The following RNLS variants were observed in gnomAD, a reference collection of about 807,000 sequenced individuals.
RNLS encodes the protein renalase, FAD dependent amine oxidase, also known as renalase.
A neutral mutation model predicts 39.8 loss-of-function variants in RNLS; 39 were observed. The ratio of observed to expected loss-of-function variants is 0.98; its 90% CI spans 0.76 to 1.28. The LOEUF (loss-of-function observed/expected upper bound fraction) is 1.28, where lower values mean the gene tolerates loss of function less well. Ranked by LOEUF, RNLS falls within the 50% of genes most tolerant of loss-of-function variation. The pLI is 0.00. For synonymous variants in RNLS, 147 were observed against 150.7 expected, an observed-to-expected ratio of 0.98 and a Z score of 0.18; for missense variants, 410 against 413.3, an observed-to-expected ratio of 0.99 and a Z score of 0.07.
In RNLS at chr10:88,524,739, G is replaced by A. The variant is rs143434232; in HGVS notation, c.526+48164C>T. On this transcript the variant is annotated intron_variant, in intron 4 of 6. Coordinates refer to ENST00000331772, the MANE Select transcript of RNLS (RefSeq NM_001031709.3). The stretch of plus-strand genomic sequence containing the variant: ...AGTTCTATTCAACAGTACTAGATTC[G>A]ACCACTTTCTCATTTGTCCATATAA... Among the ~76,000 whole-genome samples the A allele has an allele frequency of 4.8e-3, 728 of 151,192 alleles. 3 individuals are homozygous for A. Among genetic ancestry groups the A allele is most frequent in the Non-Finnish European group, 6.9e-3 (469 of 67,808 alleles).
At chr10:88,466,052 C>A (rs1423774057) in intron 4 of RNLS, among the ~76,000 whole-genome samples, 3 of 151,944 alleles carry the variant, frequency 2.0e-5, no homozygotes, top group Non-Finnish European at 4.4e-5. Context: ...GTGATGAGTT[C>A]TGTATCCATT....
At chr10:88,439,016 G>A (rs1841566390) in intron 4 of RNLS, among the ~76,000 whole-genome samples, 1 of 152,228 alleles carries the variant, frequency 6.6e-6, no homozygotes, top group Non-Finnish European at 1.5e-5. Flanking sequence ...ACAGGCAAAA[G>A]TGAACTTGTA....
chr10:88,549,419 T>C (rs999269866), intron 4 of RNLS, among the ~76,000 whole-genome samples: 1 of 148,864 alleles, frequency 6.7e-6, no homozygotes, highest in Non-Finnish European at 1.5e-5. Context: ...AAAAACAAGT[T>C]GTCAGGCGTG....
intron 5 of RNLS, among the ~76,000 whole-genome samples, chr10:88,324,954 A>G (rs1022278273): frequency 2.6e-5 from 4 of 152,186 alleles, no homozygotes; most frequent in African/African-American, 9.7e-5. Flanking sequence ...CAAAGTTCAT[A>G]TATTTTGTAG....
At chr10:88,492,838 G>C (rs1044903098) in intron 4 of RNLS, among the ~76,000 whole-genome samples, 4 of 152,088 alleles carry the variant, frequency 2.6e-5, no homozygotes, top group African/African-American at 9.7e-5. Context: ...AAAGGTTCCT[G>C]AAAGTAGGGA....
At chr10:88,448,616 G>T (rs1314007968) in intron 4 of RNLS, among the ~76,000 whole-genome samples, 1 of 152,190 alleles carries the variant, frequency 6.6e-6, no homozygotes, top group East Asian at 1.9e-4. Flanking sequence ...TCTAGAACTA[G>T]AAATACCATT....
At chr10:88,375,719 G>A (rs946629647) in intron 4 of RNLS, among the ~76,000 whole-genome samples, 2 of 152,110 alleles carry the variant, frequency 1.3e-5, no homozygotes, top group African/African-American at 4.8e-5. Context: ...GTGCAGTAGG[G>A]TAAGGAAAAA....
At chr10:88,347,064 T>C (rs946867491) in intron 5 of RNLS, among the ~76,000 whole-genome samples, 2 of 152,176 alleles carry the variant, frequency 1.3e-5, no homozygotes, top group African/African-American at 4.8e-5. Flanking sequence ...CAATGAAGAC[T>C]TGTCAAATTC....
intron 4 of RNLS, among the ~76,000 whole-genome samples, chr10:88,523,860 T>A (rs1038448280): frequency 6.6e-6 from 1 of 152,096 alleles, no homozygotes; most frequent in South Asian, 2.1e-4. Flanking sequence ...GCCAGGACAA[T>A]AAGGAAAATG....
chr10:88,400,201 A>C (rs564809379), intron 4 of RNLS, among the ~76,000 whole-genome samples: 1 of 152,180 alleles, frequency 6.6e-6, no homozygotes, highest in South Asian at 2.1e-4. Context: ...TCCAGAGAAT[A>C]GAATTTAATA....
chr10:88,372,662 C>A (rs575852996), intron 4 of RNLS, among the ~76,000 whole-genome samples: 2 of 152,276 alleles, frequency 1.3e-5, no homozygotes, highest in Non-Finnish European at 2.9e-5. Context: ...TGTAGGCCTA[C>A]TATGCATCCA....
intron 4 of RNLS, among the ~76,000 whole-genome samples, chr10:88,436,382 A>G (rs1191178379): frequency 1.3e-5 from 2 of 152,170 alleles, no homozygotes; most frequent in African/African-American, 2.4e-5. Context: ...TCAATCAGGT[A>G]TAACCTCGGG....
At chr10:88,244,681 G>A in the RNLS span, among the ~76,000 whole-genome samples, 5 of 149,838 alleles carry the variant, frequency 3.3e-5, no homozygotes, top group East Asian at 9.7e-4. Flanking sequence ...GGATGTTTAA[G>A]GTTTTCATGC....
the RNLS span, among the ~76,000 whole-genome samples, chr10:88,207,395 T>C: frequency 6.6e-6 from 1 of 152,018 alleles, no homozygotes; most frequent in Non-Finnish European, 1.5e-5. Flanking sequence ...CCAATCAAGA[T>C]ATATGAATAG....
chr10:88,225,986 G>A, the RNLS span, among the ~76,000 whole-genome samples: 1 of 151,768 alleles, frequency 6.6e-6, no homozygotes, highest in African/African-American at 2.4e-5. Context: ...TATTACTACT[G>A]GAGTGTTTTG....
intron 5 of RNLS, among the ~76,000 whole-genome samples, chr10:88,345,064 C>T (rs181480484): frequency 1.3e-3 from 193 of 152,250 alleles, no homozygotes; most frequent in Middle Eastern, 6.8e-3. Flanking sequence ...GCCTTCTCAG[C>T]TCACTTAATA....
rs1850685910 is a variant in RNLS at position 88,582,797 on chromosome 10, T to G, written c.118+276A>C. Among the ~76,000 whole-genome samples the G allele has an allele frequency of 2.6e-5, 4 of 152,218 alleles. No individual in the cohort carries two copies. In the South Asian group the frequency reaches 8.3e-4, roughly 31 times the overall value. On this transcript the variant is annotated intron_variant, in intron 1 of 6. Transcript: ENST00000331772. ...CGGGTCGGGGCCCCTCCCACGCCGC[T>G]GTCTCAGGTCTCCCTCTGTAGAGCG...
intron 4 of RNLS, among the ~76,000 whole-genome samples, chr10:88,415,226 C>T (rs1318742379): frequency 1.3e-5 from 2 of 152,122 alleles, no homozygotes; most frequent in South Asian, 2.1e-4. Flanking sequence ...TTTCTCCTTG[C>T]CTATAAACAA....
chr10:88,344,155 G>A (rs1848156882), intron 5 of RNLS, among the ~76,000 whole-genome samples: 4 of 152,138 alleles, frequency 2.6e-5, no homozygotes, highest in Admixed American at 2.6e-4. Context: ...TGCCTCTAAG[G>A]ATATCACTTT....
Sources: gnomAD v4.1 joint callset for allele counts (sites outside exome capture counted in the v4.1 genomes callset) on GRCh38, gnomAD v4.1.1 for gene constraint, MANE v1.5 for transcripts, NCBI Gene and HGNC (gene_info 2026-07-23, HGNC 2026-07-21) for gene names.